IL18RAP: variants seen among roughly 807,000 people sequenced by gnomAD.
The protein encoded by IL18RAP is interleukin-18 receptor accessory protein.
In IL18RAP, 37 loss-of-function variants were observed where a neutral mutation model predicts 58.1. The ratio of observed to expected loss-of-function variants is 0.64; its 90% CI spans 0.49 to 0.84. The LOEUF (loss-of-function observed/expected upper bound fraction) is 0.84. IL18RAP is among the 40% of genes least tolerant of loss of function. The pLI, the probability that IL18RAP is intolerant of heterozygous loss-of-function variation, is 0.00. For missense variants in IL18RAP, 667 were observed against 704.8 expected (o/e 0.95, Z 0.61); for synonymous variants, 268 against 257.5 (o/e 1.04, Z -0.39).
chr2:102,446,854 A>G lies in IL18RAP; in HGVS notation c.1073-216A>G, dbSNP rs573107102. On this transcript the variant is annotated intron_variant, in intron 7 of 9. Transcript: ENST00000687160. ...TCTCCAACTCCATCCAGGTTGCTGC[A>G]CATGCCATTATTTTGTTCCTTTTTA... is the stretch of plus-strand genomic sequence containing the variant. 2.0e-5 allele frequency among the ~76,000 whole-genome samples: 3 copies of G among 152,080 alleles called. No individual in the cohort carries two copies. In the East Asian group the frequency reaches 5.8e-4, roughly 29 times the overall value.
In IL18RAP at chr2:102,424,070, C is replaced by T. The variant is rs1031452014; in HGVS notation, c.330C>T (p.Thr110=). Residue 110 remains threonine, a synonymous_variant, in exon 2 of 10, where the codon ACC becomes ACT. Transcript: ENST00000687160. ...CTCACATCATTCAGGACAAATGTAC[C>T]CTTCACTTTTTGACCCCAGGGGTGA... ...SYPHIIQDKC[T]LHFLTPGVNN... The T allele has an allele frequency of 4.3e-6, 7 of 1,613,894 alleles. No individual in the cohort carries two copies. The African/African-American group carries it at 5.3e-5, about 12-fold the overall frequency.
upstream of IL18RAP, among the ~76,000 whole-genome samples, chr2:102,420,018 T>C (rs373602681): frequency 6.6e-6 from 1 of 152,344 alleles, no homozygotes; most frequent in South Asian, 2.1e-4. Flanking sequence ...CTCCTTCCGA[T>C]TCGGTGAAGC....
chr2:102,451,986 C>T lies in IL18RAP; in HGVS notation c.1605C>T (p.Pro535=). The change falls in exon 10 of 10, where the codon CCC becomes CCT. Residue 535 remains proline (P), a synonymous_variant. Transcript: ENST00000687160. ...HLVKKALRVL[P]TVTWRGLKSV... ...TGAAAAAAGCTCTCAGGGTTTTGCCCACAGTTACTTGGAGAGGCTTAAAAT... is the reference window on the plus strand; with the variant it reads ...TGAAAAAAGCTCTCAGGGTTTTGCCTACAGTTACTTGGAGAGGCTTAAAAT... The T allele has an allele frequency of 6.2e-7, 1 of 1,614,120 alleles. No individual in the cohort carries two copies. The highest frequency in any genetic ancestry group is 8.5e-7 in the Non-Finnish European group (1 of 1,180,026).
chr2:102,450,562 G>A (rs962562252), intron 8 of IL18RAP, among the ~76,000 whole-genome samples: 46 of 152,172 alleles, frequency 3.0e-4, no homozygotes, highest in Non-Finnish European at 5.4e-4. Flanking sequence ...AGAAGGCTCA[G>A]AGAAACTCCT....
intron 3 of IL18RAP, among the ~76,000 whole-genome samples, chr2:102,428,452 C>T (rs921812650): frequency 2.5e-4 from 38 of 149,532 alleles, no homozygotes; most frequent in Non-Finnish European, 8.9e-5. Flanking sequence ...AACTATTTTA[C>T]TATGTTAGTT....
In IL18RAP at chr2:102,424,378, A is replaced by C. The variant is rs755040137; in HGVS notation, c.543A>C (p.Gln181His). ...TTTCTTGCCCCAGTCTCAGCTGCCA[A>C]AGTGATGCACAAAGTCCAGCGGTAA... ...GSISCPSLSC[Q>H]SDAQSPAVTW... Residue 181 changes from glutamine to histidine, a missense_variant, in exon 3 of 10, where the codon CAA becomes CAC. By Grantham distance (24) the Gln-to-His change is conservative. Transcript: ENST00000687160. 1 of 1,614,052 alleles carries C rather than the reference A, an allele frequency of 6.2e-7. No homozygotes were observed. Among genetic ancestry groups the C allele is most frequent in the Non-Finnish European group, 8.5e-7 (1 of 1,179,950 alleles).
At chr2:102,448,980 A>G (rs1683601198) in intron 8 of IL18RAP, among the ~76,000 whole-genome samples, 1 of 148,836 alleles carries the variant, frequency 6.7e-6, no homozygotes, top group South Asian at 2.1e-4. Flanking sequence ...AAAAAAAAAA[A>G]AAAAGTGACC....
chr2:102,429,124 G>A (rs1050226552), intron 3 of IL18RAP, among the ~76,000 whole-genome samples: 15 of 151,846 alleles, frequency 9.9e-5, no homozygotes, highest in Non-Finnish European at 1.6e-4. Context: ...GTGGATTTTT[G>A]CATCTGTATT....
chr2:102,425,797 C>T (rs1681900798), intron 3 of IL18RAP, among the ~76,000 whole-genome samples: 1 of 152,100 alleles, frequency 6.6e-6, no homozygotes. Flanking sequence ...TTTTACTTTT[C>T]AGGTGAGCAC....
In IL18RAP at chr2:102,451,753, G is replaced by A. The variant is rs1420443823; in HGVS notation, c.1385-13G>A. 1 of 1,590,778 alleles carries A rather than the reference G, an allele frequency of 6.3e-7. No individual in the cohort carries two copies. On this transcript the variant is annotated splice_polypyrimidine_tract_variant and intron_variant, in intron 9 of 9. Coordinates refer to ENST00000687160, the MANE Select transcript of IL18RAP (RefSeq NM_001393487.1). The stretch of plus-strand genomic sequence containing the variant: ...CAATATCCATTGCAAATAATCAAAT[G>A]TTTTATTTCCAGTGTATGCAGAAGA...
At chr2:102,441,543 A>C (rs970384371) in intron 5 of IL18RAP, among the ~76,000 whole-genome samples, 166 bp downstream of exon 5, 3 of 152,228 alleles carry the variant, frequency 2.0e-5, no homozygotes, top group African/African-American at 7.2e-5. Flanking sequence ...TTCATCCTTT[A>C]AGCCTCAGTA....
At chr2:102,433,251 C>T (rs1205330148) in intron 3 of IL18RAP, among the ~76,000 whole-genome samples, 1 of 152,158 alleles carries the variant, frequency 6.6e-6, no homozygotes, top group African/African-American at 2.4e-5. Flanking sequence ...GAGATAGGAT[C>T]TTATTCTGCC....
chr2:102,444,723 G>A (rs1322062790), intron 6 of IL18RAP, among the ~76,000 whole-genome samples: 1 of 152,122 alleles, frequency 6.6e-6, no homozygotes. Flanking sequence ...TGTGGTCTGG[G>A]GCTACTCACC....
chr2:102,443,249 CTT>C lies in IL18RAP; in HGVS notation c.848_849del (p.Phe283Ter), dbSNP rs1288059478. The C allele has an allele frequency of 6.2e-7, 1 of 1,613,544 alleles. No homozygotes were observed. Among genetic ancestry groups the C allele is most frequent in the African/African-American group, 1.3e-5 (1 of 74,882 alleles). On this transcript the variant is annotated frameshift_variant, in exon 6 of 10. Coordinates refer to ENST00000687160, the MANE Select transcript of IL18RAP (RefSeq NM_001393487.1). LOFTEE classifies it high-confidence loss of function. ...CKARFGFERV[F>X]NPVIKWYIKD... ...AAGCACGATTTGGCTTTGAAAGGGTCTTTAACCCTGTCATAAAATGGTACATC... is the reference window on the plus strand; with the variant it reads ...AAGCACGATTTGGCTTTGAAAGGGTCTAACCCTGTCATAAAATGGTACATC...
Position 102,424,420 on chromosome 2 carries a change from A to T in IL18RAP, c.579+6A>T, listed in dbSNP as rs759037414. The T allele has an allele frequency of 6.2e-7, 1 of 1,608,636 alleles. No homozygotes were observed. Among genetic ancestry groups the T allele is most frequent in the South Asian group, 1.1e-5 (1 of 90,260 alleles). The stretch of plus-strand genomic sequence containing the variant: ...CAGCGGTAACCTGGTACAAGGTAAG[A>T]GTGAATTCTCTAAAATTAATATAAG... On this transcript the variant is annotated splice_donor_region_variant and intron_variant, in intron 3 of 9. Transcript: ENST00000687160.
chr2:102,426,867 C>A (rs1405837720), intron 3 of IL18RAP, among the ~76,000 whole-genome samples: 1 of 151,924 alleles, frequency 6.6e-6, no homozygotes, highest in African/African-American at 2.4e-5. Flanking sequence ...TCCCATCTAT[C>A]TGAAACTTTG....
chr2:102,428,008 A>G (rs978165472), intron 3 of IL18RAP, among the ~76,000 whole-genome samples: 2 of 147,508 alleles, frequency 1.4e-5, no homozygotes, highest in Non-Finnish European at 1.5e-5. Context: ...TTTATTGACC[A>G]TAAATGTGTG....
chr2:102,449,105 T>C (rs1419394096), intron 8 of IL18RAP, among the ~76,000 whole-genome samples: 1 of 151,068 alleles, frequency 6.6e-6, no homozygotes, highest in East Asian at 2.0e-4. Flanking sequence ...CCATCCTTAC[T>C]AAAAATACAA....
upstream of IL18RAP, among the ~76,000 whole-genome samples, chr2:102,421,941 C>A (rs1443605125): frequency 6.6e-6 from 1 of 152,206 alleles, no homozygotes; most frequent in Non-Finnish European, 1.5e-5. Context: ...TCCTCACTCT[C>A]ACTTGTATTT....
Sources: allele counts gnomAD v4.1 joint callset (sites outside exome capture counted in the v4.1 genomes callset), GRCh38; gene constraint gnomAD v4.1.1; transcripts MANE v1.5; gene names NCBI Gene and HGNC (gene_info 2026-07-23, HGNC 2026-07-21).